The following SLC9D1 variants were observed in gnomAD, a reference collection of about 807,000 sequenced individuals.
The protein encoded by SLC9D1 is solute carrier family 9 member D1.
At chr13:113,545,132 C>T in the SLC9D1 span, among the ~76,000 whole-genome samples, 11 of 152,252 alleles carry the variant, frequency 7.2e-5, no homozygotes, top group African/African-American at 2.4e-5. Flanking sequence ...TGTGCGCCCC[C>T]GCCAGCCTCG....
chr13:113,540,323 A>G, the SLC9D1 span, among the ~76,000 whole-genome samples: 2 of 152,244 alleles, frequency 1.3e-5, no homozygotes, highest in African/African-American at 2.4e-5. Flanking sequence ...CAGACTTTCC[A>G]TCGCGGCTAA....
At chr13:113,521,651 G>A in the SLC9D1 span, among the ~76,000 whole-genome samples, 1 of 151,986 alleles carries the variant, frequency 6.6e-6, no homozygotes, top group Non-Finnish European at 1.5e-5. Context: ...TCCCAATATC[G>A]TATTGCCAAA....
chr13:113,529,180 G>A, the SLC9D1 span: 2 of 152,076 alleles, frequency 1.3e-5, no homozygotes, highest in African/African-American at 2.4e-5. Flanking sequence ...AAAAATTAAT[G>A]CAGTACAGGT....
At chr13:113,544,411 G>A in the SLC9D1 span, among the ~76,000 whole-genome samples, 9 of 151,848 alleles carry the variant, frequency 5.9e-5, no homozygotes, top group Admixed American at 6.5e-5. Context: ...GTGTGGCTCC[G>A]GCCCAGGTTT....
chr13:113,538,195 G>A, the SLC9D1 span, among the ~76,000 whole-genome samples: 1 of 151,954 alleles, frequency 6.6e-6, no homozygotes, highest in African/African-American at 2.4e-5. Flanking sequence ...GTTTGTGTAC[G>A]TGTGTGTGGC....
the SLC9D1 span, among the ~76,000 whole-genome samples, chr13:113,531,735 C>T: frequency 2.0e-5 from 3 of 152,256 alleles, no homozygotes; most frequent in Admixed American, 6.5e-5. Context: ...GCCGGTGGCA[C>T]GGCGGCAAGC....
chr13:113,519,163 C>T, the SLC9D1 span, among the ~76,000 whole-genome samples: 287 of 152,028 alleles, frequency 1.9e-3, 1 homozygote, highest in African/African-American at 6.6e-3. Context: ...CCTGCCTCAG[C>T]CTCCCAAGTA....
the SLC9D1 span, chr13:113,539,482 G>A: frequency 6.2e-7 from 1 of 1,613,078 alleles, no homozygotes; most frequent in Non-Finnish European, 8.5e-7. The surrounding 1 kb of genome is among the most constrained non-coding windows in gnomAD (Gnocchi z 4.8). Flanking sequence ...GCGACTTCCT[G>A]GCCATCGTTT....
At chr13:113,546,977 A>G in the SLC9D1 span, among the ~76,000 whole-genome samples, 1 of 152,144 alleles carries the variant, frequency 6.6e-6, no homozygotes, top group Non-Finnish European at 1.5e-5. The surrounding 1 kb of genome is among the most constrained non-coding windows in gnomAD (Gnocchi z 7.1). Flanking sequence ...TCTGCACCTC[A>G]GCTGGAATAT....
the SLC9D1 span, among the ~76,000 whole-genome samples, chr13:113,521,141 G>A: frequency 6.6e-6 from 1 of 151,962 alleles, no homozygotes; most frequent in Middle Eastern, 3.4e-3. Flanking sequence ...TGTAGGTAGG[G>A]TATATCTGTG....
At chr13:113,525,027 T>A in the SLC9D1 span, among the ~76,000 whole-genome samples, 1 of 152,268 alleles carries the variant, frequency 6.6e-6, no homozygotes, top group Non-Finnish European at 1.5e-5. Context: ...TGTATTGCTC[T>A]GTGTGGTTTT....
chr13:113,521,870 T>A, the SLC9D1 span, among the ~76,000 whole-genome samples: 4 of 152,190 alleles, frequency 2.6e-5, no homozygotes, highest in East Asian at 1.9e-4. Flanking sequence ...GCCAATATAC[T>A]ATACTTTATG....
the SLC9D1 span, chr13:113,495,678 A>G: frequency 1.9e-6 from 3 of 1,611,046 alleles, no homozygotes; most frequent in Non-Finnish European, 2.5e-6. Flanking sequence ...GCAGCGTGTG[A>G]TCAAACTGCA....
At chr13:113,497,349 C>T in the SLC9D1 span, among the ~76,000 whole-genome samples, 2 of 147,410 alleles carry the variant, frequency 1.4e-5, no homozygotes, top group Admixed American at 1.4e-4. Flanking sequence ...AGATCTGCAG[C>T]TGTGTGAGAC....
chr13:113,492,548 A>AT, the SLC9D1 span, among the ~76,000 whole-genome samples: 14 of 151,994 alleles, frequency 9.2e-5, no homozygotes, highest in Admixed American at 3.3e-4. Flanking sequence ...TAAAATTGAG[A>AT]TTTTTTTTCA....
At chr13:113,521,478 T>A in the SLC9D1 span, among the ~76,000 whole-genome samples, 1 of 151,754 alleles carries the variant, frequency 6.6e-6, no homozygotes, top group East Asian at 1.9e-4. Context: ...CACGTGTGCA[T>A]ATGTGGGGTA....
chr13:113,513,373 C>T, the SLC9D1 span, among the ~76,000 whole-genome samples: 2 of 150,132 alleles, frequency 1.3e-5, no homozygotes, highest in Non-Finnish European at 1.5e-5. Flanking sequence ...CAGAGCTGGG[C>T]GTGGAAGCAG....
chr13:113,525,889 G>C, the SLC9D1 span, among the ~76,000 whole-genome samples: 2 of 150,102 alleles, frequency 1.3e-5, no homozygotes, highest in Non-Finnish European at 3.0e-5. Context: ...GCTCTGTGCC[G>C]GTTATTCTAG....
chr13:113,522,751 C>G, the SLC9D1 span, among the ~76,000 whole-genome samples: 171 of 152,268 alleles, frequency 1.1e-3, no homozygotes, highest in Non-Finnish European at 1.3e-3. Context: ...TCCTGCCCAG[C>G]CTTCCGAGCA....
Sources: gnomAD v4.1 joint callset for allele counts (sites outside exome capture counted in the v4.1 genomes callset) on GRCh38, gnomAD v4.1.1 for gene constraint, Gnocchi (gnomAD v3.1) non-coding constraint, MANE v1.5 for transcripts, NCBI Gene and HGNC (gene_info 2026-07-23, HGNC 2026-07-21) for gene names.